The following FUT8 variants were observed in gnomAD, a reference collection of about 807,000 sequenced individuals.
The protein encoded by FUT8 is alpha-(1,6)-fucosyltransferase.
A neutral mutation model predicts 71.3 loss-of-function variants in FUT8; 29 were observed. The ratio of observed to expected loss-of-function variants is 0.41; its 90% confidence interval spans 0.30 to 0.55. The LOEUF (loss-of-function observed/expected upper bound fraction) is 0.55. Among genes scored for constraint, FUT8 ranks in the 20% least tolerant of loss-of-function variants. The pLI is 0.34. For synonymous variants in FUT8, 254 were observed against 239.3 expected, an observed-to-expected ratio of 1.06 and a Z score of -0.57; for missense variants, 544 against 702.1, an observed-to-expected ratio of 0.77 and a Z score of 2.55.
At chr14:65,438,595 C>T (rs186170464) in intron 1 of FUT8, among the ~76,000 whole-genome samples, 6 of 152,260 alleles carry the variant, frequency 3.9e-5, no homozygotes, top group Admixed American at 3.3e-4. Flanking sequence ...TAGAGCAGCT[C>T]TGGAGTATTA....
chr14:65,734,823 G>T (rs1242492940), intron 10 of FUT8, among the ~76,000 whole-genome samples: 1 of 152,150 alleles, frequency 6.6e-6, no homozygotes, highest in Non-Finnish European at 1.5e-5. Context: ...CCTGCCTGAA[G>T]TCAACTCCTC....
chr14:65,741,910 G>A (rs1047873096), intron 10 of FUT8, among the ~76,000 whole-genome samples, 183 bp from the exon 11 acceptor site: 6 of 151,878 alleles, frequency 4.0e-5, no homozygotes, highest in African/African-American at 1.5e-4. Flanking sequence ...AAAGGATCCA[G>A]ACACAGAGAT....
At chr14:65,362,716 A>G in the FUT8 span, among the ~76,000 whole-genome samples, 1 of 151,682 alleles carries the variant, frequency 6.6e-6, no homozygotes, top group African/African-American at 2.4e-5. Flanking sequence ...TAATCCCAGC[A>G]CTTTGGGAGG....
intron 3 of FUT8, among the ~76,000 whole-genome samples, chr14:65,569,409 T>C (rs1886362968): frequency 6.6e-6 from 1 of 151,802 alleles, no homozygotes; most frequent in Non-Finnish European, 1.5e-5. Flanking sequence ...TGATCTAATT[T>C]CTCTTTGCAC....
intron 2 of FUT8, chr14:65,471,050 G>GTTTT: frequency 2.2e-6 from 1 of 462,936 alleles, no homozygotes. Context: ...AGGCTTGCAG[G>GTTTT]TTTTTAAGTT....
intron 2 of FUT8, among the ~76,000 whole-genome samples, chr14:65,543,007 C>T (rs1158273371): frequency 1.3e-5 from 2 of 152,114 alleles, no homozygotes; most frequent in Non-Finnish European, 2.9e-5. Context: ...GTCTCAAACC[C>T]CTGACCTCAG....
chr14:65,506,237 G>A (rs2066732219), intron 2 of FUT8, among the ~76,000 whole-genome samples: 1 of 152,144 alleles, frequency 6.6e-6, no homozygotes, highest in Admixed American at 6.5e-5. Flanking sequence ...TTTTGGTTAA[G>A]TAGGTTAAAA....
At chr14:65,529,809 T>G (rs1013634827) in intron 2 of FUT8, among the ~76,000 whole-genome samples, 3 of 152,208 alleles carry the variant, frequency 2.0e-5, no homozygotes, top group African/African-American at 7.2e-5. Context: ...TCTAGGGCAG[T>G]CTAGAGTAAC....
rs773896633 is a variant in FUT8 at position 65,627,384 on chromosome 14, G to T, written c.483-2108G>T. On this transcript the variant is annotated intron_variant, in intron 5 of 10. Coordinates refer to ENST00000673929, the MANE Select transcript of FUT8 (RefSeq NM_001371533.1). This position sits in a 1 kb window ranked among gnomAD's most constrained non-coding sequence, Gnocchi z 4.0. ...GAGATCAAGGCAAGTTTTAGAACAG[G>T]CATGAGAGTTTATTAAAATGTTTTA... is the stretch of plus-strand genomic sequence containing the variant. 1.2e-4 allele frequency among the ~76,000 whole-genome samples: 19 copies of T among 152,182 alleles called. No homozygotes were observed. Among genetic ancestry groups the T allele is most frequent in the Non-Finnish European group, 2.4e-4 (16 of 68,026 alleles).
At position 65,432,407 on chromosome 14, in the gene FUT8, T is replaced by A. The variant is rs148781724; in HGVS notation, c.-326+19193T>A. ...TTTCTACTTTCCTTTTTTTTTTTTT[T>A]AAATTATTGGCTTTTCCTTCCCATT... On this transcript the variant is annotated intron_variant, in intron 1 of 10. Coordinates refer to ENST00000673929, the MANE Select transcript of FUT8 (RefSeq NM_001371533.1). Among the ~76,000 whole-genome samples the A allele has an allele frequency of 1.0e-3, 145 of 141,822 alleles. 1 individual carries two copies. In the East Asian group the frequency reaches 0.013, roughly 13 times the overall value. 93.0% of individuals were successfully genotyped at this position (141,822 alleles called of 152,430 possible). A position where few individuals can be genotyped will look rare whatever the true frequency, so the allele number is the denominator to read the frequency against.
chr14:65,649,885 T>C (rs911447746), intron 6 of FUT8, among the ~76,000 whole-genome samples: 1 of 152,254 alleles, frequency 6.6e-6, no homozygotes, highest in African/African-American at 2.4e-5. Flanking sequence ...GAGTTAAATG[T>C]GCATTAAATG....
intron 3 of FUT8, among the ~76,000 whole-genome samples, chr14:65,587,253 A>G (rs1478435926): frequency 6.6e-6 from 1 of 152,156 alleles, no homozygotes; most frequent in Non-Finnish European, 1.5e-5. Flanking sequence ...TATTTAGGAA[A>G]ACGTTATTCA....
chr14:65,730,840 T>C (rs746150533), intron 9 of FUT8, among the ~76,000 whole-genome samples: 45 of 152,328 alleles, frequency 3.0e-4, no homozygotes, highest in Middle Eastern at 3.4e-3. Flanking sequence ...CTATCCAACA[T>C]TGCATTCTAA....
chr14:65,482,244 T>C (rs10148449), intron 2 of FUT8, among the ~76,000 whole-genome samples: 1,588 of 152,272 alleles, frequency 0.01, 29 homozygotes, highest in African/African-American at 0.037. Context: ...GTTTGTGTCC[T>C]TTTGATTTTT....
intron 6 of FUT8, among the ~76,000 whole-genome samples, chr14:65,632,398 A>G (rs1394825617): frequency 1.3e-5 from 2 of 152,054 alleles, no homozygotes; most frequent in Non-Finnish European, 2.9e-5. Flanking sequence ...CTGTTTTTTG[A>G]TTTTTTGATA....
In FUT8 at chr14:65,643,667, C is replaced by T. The variant is rs1467309599; in HGVS notation, c.597+14061C>T. Reference sequence around the variant, plus strand: ...AGACTCCGTCTTTAAAAAAAAAATACACACACACACACACACACACACACA... The same window carrying T: ...AGACTCCGTCTTTAAAAAAAAAATATACACACACACACACACACACACACA... On this transcript the variant is annotated intron_variant, in intron 6 of 10. Coordinates refer to ENST00000673929, the MANE Select transcript of FUT8 (RefSeq NM_001371533.1). The surrounding 1 kb of genome is among the most constrained non-coding windows in gnomAD (Gnocchi z 4.5). Among the ~76,000 whole-genome samples, 546 of 42,328 alleles carry T rather than the reference C, an allele frequency of 0.013. 6 individuals carry two copies. The highest frequency in any genetic ancestry group is 0.018 in the South Asian group (32 of 1,766). 27.8% of individuals were successfully genotyped at this position (42,328 alleles called of 152,430 possible).
chr14:65,742,680 CT>C lies in FUT8; in HGVS notation c.*273del, dbSNP rs144028445. The C allele has an allele frequency of 0.013, 4,636 of 354,620 alleles. 184 individuals are homozygous for C. The highest frequency in any genetic ancestry group is 0.087 in the African/African-American group (4,293 of 49,276). 22.0% of individuals were successfully genotyped at this position (354,620 alleles called of 1,614,324 possible). A position where few individuals can be genotyped will look rare whatever the true frequency, so the allele number is the denominator to read the frequency against. On this transcript the variant is annotated 3_prime_UTR_variant, in exon 11 of 11. Transcript: ENST00000673929. ...AAACAGGTTGTTTTCTACTTTGCCC[CT>C]TTCAGTATGTCCCCATAAGACAAAC...
chr14:65,453,679 A>C (rs1445377636), intron 1 of FUT8, among the ~76,000 whole-genome samples: 2 of 152,170 alleles, frequency 1.3e-5, no homozygotes, highest in Non-Finnish European at 2.9e-5. Context: ...CTCCAAGCTC[A>C]GTGTCAGCCC....
chr14:65,609,980 CTAA>C (rs1888798684), intron 3 of FUT8, among the ~76,000 whole-genome samples: 1 of 151,452 alleles, frequency 6.6e-6, no homozygotes, highest in East Asian at 1.9e-4. Context: ...GCTATTGTAA[CTAA>C]TAATGTGGTT....
Sources: allele counts gnomAD v4.1 joint callset (sites outside exome capture counted in the v4.1 genomes callset), GRCh38; gene constraint gnomAD v4.1.1; non-coding constraint Gnocchi (gnomAD v3.1); transcripts MANE v1.5; gene names NCBI Gene and HGNC (gene_info 2026-07-23, HGNC 2026-07-21).